Variants in ZMYM2 observed in about 807,000 individuals in gnomAD.
The protein encoded by ZMYM2 is zinc finger MYM-type protein 2.
ZMYM2 carries 56 observed loss-of-function variants against 162.8 expected under a neutral mutation model. The ratio of observed to expected loss-of-function variants is 0.34; its 90% confidence interval spans 0.28 to 0.43. The LOEUF is 0.43. Among genes scored for constraint, ZMYM2 ranks in the 20% least tolerant of loss-of-function variants. ZMYM2 has a pLI of 1.00. For synonymous variants in ZMYM2, 510 were observed against 541.6 expected (o/e 0.94, Z 0.81); for missense variants, 1,275 against 1,621.8 (o/e 0.79, Z 3.67).
intron 6 of ZMYM2, 91 bp downstream of exon 6, chr13:20,006,677 C>A: frequency 2.4e-6 from 3 of 1,268,938 alleles, no homozygotes; most frequent in Non-Finnish European, 3.3e-6. Flanking sequence ...TATTAACTGG[C>A]TTTATCTTAG....
At chr13:19,892,948 C>CAG in the ZMYM2 span, among the ~76,000 whole-genome samples, 1 of 151,012 alleles carries the variant, frequency 6.6e-6, no homozygotes, top group African/African-American at 2.4e-5. Context: ...CTCATGACCT[C>CAG]GTGTTCCGCC....
the ZMYM2 span, among the ~76,000 whole-genome samples, chr13:19,947,396 T>C: frequency 6.6e-6 from 1 of 151,716 alleles, no homozygotes; most frequent in East Asian, 1.9e-4. Flanking sequence ...AGAGTACAAT[T>C]CTTGATGTAG....
chr13:19,884,444 G>A, the ZMYM2 span, among the ~76,000 whole-genome samples: 49 of 152,188 alleles, frequency 3.2e-4, no homozygotes, highest in Non-Finnish European at 4.9e-4. Context: ...CAGACGTGGC[G>A]GCGGGCGGCC....
intron 2 of ZMYM2, among the ~76,000 whole-genome samples, chr13:19,983,366 A>G (rs1957520362): frequency 6.6e-6 from 1 of 151,778 alleles, no homozygotes; most frequent in African/African-American, 2.4e-5. Context: ...GGCTGGTCTC[A>G]AACTCCTGAC....
At chr13:19,937,244 G>A in the ZMYM2 span, among the ~76,000 whole-genome samples, 1 of 151,836 alleles carries the variant, frequency 6.6e-6, no homozygotes, top group Non-Finnish European at 1.5e-5. Context: ...CGCCTCCTTG[G>A]CTCAAGCCAA....
At chr13:19,917,252 ACG>A in the ZMYM2 span, among the ~76,000 whole-genome samples, 1 of 151,798 alleles carries the variant, frequency 6.6e-6, no homozygotes, top group Non-Finnish European at 1.5e-5. Context: ...ATGAGCCACC[ACG>A]CCCGGCTTGA....
chr13:19,959,149 C>A (rs889653888), intron 1 of ZMYM2, among the ~76,000 whole-genome samples: 3 of 148,130 alleles, frequency 2.0e-5, no homozygotes, highest in Non-Finnish European at 4.5e-5. Context: ...AGGCGGCCGC[C>A]AGCGGCGGGG....
intron 2 of ZMYM2, among the ~76,000 whole-genome samples, chr13:19,974,595 C>T (rs960499232): frequency 1.3e-5 from 2 of 151,902 alleles, no homozygotes; most frequent in African/African-American, 4.8e-5. Flanking sequence ...CCTCAGCCTC[C>T]TGAGTAGCTA....
At chr13:19,976,550 T>G (rs910550744) in intron 2 of ZMYM2, among the ~76,000 whole-genome samples, 7 of 152,212 alleles carry the variant, frequency 4.6e-5, no homozygotes, top group Non-Finnish European at 7.3e-5. Flanking sequence ...CTCTACGTAT[T>G]AAACAACAGT....
At chr13:20,004,477 G>A (rs1430712625) in intron 4 of ZMYM2, among the ~76,000 whole-genome samples, 1 of 152,000 alleles carries the variant, frequency 6.6e-6, no homozygotes, top group Non-Finnish European at 1.5e-5. Flanking sequence ...GGATGGTCTC[G>A]ATCTCCTGAC....
chr13:20,049,870 T>G lies in ZMYM2; in HGVS notation c.2293-1563T>G, dbSNP rs371442482. Reference sequence around the variant, plus strand: ...TGTTCGGAATCAGTGAATAAAGTATTAAGCTTCCATTTCCTTCCTTTATGC... The same window carrying G: ...TGTTCGGAATCAGTGAATAAAGTATGAAGCTTCCATTTCCTTCCTTTATGC... On this transcript the variant is annotated intron_variant, in intron 12 of 24. Transcript: ENST00000610343. Among the ~76,000 whole-genome samples the G allele has an allele frequency of 3.2e-4, 49 of 152,156 alleles. 2 individuals carry two copies. The South Asian group carries it at 9.5e-3, about 30-fold the overall frequency.
intron 2 of ZMYM2, among the ~76,000 whole-genome samples, chr13:19,969,494 G>C (rs1020701336): frequency 6.6e-6 from 1 of 152,218 alleles, no homozygotes; most frequent in East Asian, 1.9e-4. Flanking sequence ...AACTTGTGAT[G>C]AGAGTGCTGT....
the ZMYM2 span, among the ~76,000 whole-genome samples, chr13:19,895,914 A>C: frequency 6.6e-6 from 1 of 151,870 alleles, no homozygotes; most frequent in Non-Finnish European, 1.5e-5. Context: ...TGGACAATGA[A>C]ACATTTTATT....
chr13:19,934,803 G>C, the ZMYM2 span, among the ~76,000 whole-genome samples: 4 of 141,504 alleles, frequency 2.8e-5, no homozygotes, highest in Non-Finnish European at 6.0e-5. Flanking sequence ...GTCTCTCTCT[G>C]TTGCCCACGC....
the ZMYM2 span, among the ~76,000 whole-genome samples, chr13:19,929,982 G>T: frequency 1.3e-5 from 2 of 152,186 alleles, no homozygotes; most frequent in African/African-American, 4.8e-5. Flanking sequence ...TTTAAAGTCT[G>T]GGATGGTAGT....
chr13:19,950,773 G>C, the ZMYM2 span, among the ~76,000 whole-genome samples: 5 of 152,148 alleles, frequency 3.3e-5, no homozygotes, highest in East Asian at 9.6e-4. Context: ...CTAAATAACG[G>C]TTGACAATAT....
the ZMYM2 span, among the ~76,000 whole-genome samples, chr13:19,902,468 T>G: frequency 6.6e-6 from 1 of 151,222 alleles, no homozygotes; most frequent in Non-Finnish European, 1.5e-5. Context: ...AATACAAAAT[T>G]AGTTGGGTGT....
At chr13:20,048,563 T>C (rs898758393) in intron 12 of ZMYM2, among the ~76,000 whole-genome samples, 3 of 151,942 alleles carry the variant, frequency 2.0e-5, no homozygotes, top group Admixed American at 1.3e-4. Flanking sequence ...CCTGGAAAAT[T>C]AGGTTTGTTT....
chr13:20,026,774 A>G lies in ZMYM2; in HGVS notation c.1735+12A>G, dbSNP rs753272971. The G allele has an allele frequency of 3.8e-6, 6 of 1,575,962 alleles. No homozygotes were observed. The East Asian group carries it at 9.0e-5, about 24-fold the overall frequency. ...TGCAAAATCACAAAGTAAGTTTCAC[A>G]TATTTGGACAGTTAAAAAAACTTTA... On this transcript the variant is annotated intron_variant, in intron 8 of 24. Transcript: ENST00000610343.
Sources: allele counts gnomAD v4.1 joint callset (sites outside exome capture counted in the v4.1 genomes callset), GRCh38; gene constraint gnomAD v4.1.1; transcripts MANE v1.5; gene names NCBI Gene and HGNC (gene_info 2026-07-23, HGNC 2026-07-21).